CDKN2B-AS1: variants seen among roughly 807,000 people sequenced by gnomAD.
CDKN2B-AS1 encodes CDKN2B antisense RNA 1 (non-protein coding).
chr9:22,081,793 G>T (rs890652973), intron 4 of CDKN2B-AS1, among the ~76,000 whole-genome samples: 2 of 152,326 alleles, frequency 1.3e-5, no homozygotes, highest in African/African-American at 4.8e-5. Context: ...ATGAAAAATA[G>T]GGAAAATGTA....
At chr9:22,104,409 C>A (rs72652487) in intron 4 of CDKN2B-AS1, among the ~76,000 whole-genome samples, 1 of 152,148 alleles carries the variant, frequency 6.6e-6, no homozygotes, top group Non-Finnish European at 1.5e-5. Flanking sequence ...ATTTCACTTG[C>A]CCAAGTGAGG....
chr9:22,075,216 G>T (rs1452132328), intron 4 of CDKN2B-AS1, among the ~76,000 whole-genome samples: 2 of 152,190 alleles, frequency 1.3e-5, no homozygotes, highest in Non-Finnish European at 2.9e-5. Context: ...CTCTAGGCTA[G>T]CTCCCTGCCT....
At chr9:22,064,706 G>C (rs553220362) in intron 4 of CDKN2B-AS1, among the ~76,000 whole-genome samples, 3 of 152,110 alleles carry the variant, frequency 2.0e-5, no homozygotes, top group Non-Finnish European at 2.9e-5. Context: ...TTGAGGATCT[G>C]AACATGGGCT....
At chr9:22,062,998 T>TATAG (rs1346598780) in intron 4 of CDKN2B-AS1, among the ~76,000 whole-genome samples, 32 of 148,476 alleles carry the variant, frequency 2.2e-4, no homozygotes, top group East Asian at 8.0e-4. Flanking sequence ...TATATATATA[T>TATAG]AGAGAGAGAG....
intron 4 of CDKN2B-AS1, among the ~76,000 whole-genome samples, chr9:22,086,147 G>A (rs1824861971): frequency 6.6e-6 from 1 of 152,026 alleles, no homozygotes; most frequent in Non-Finnish European, 1.5e-5. Context: ...ATCTCAATGT[G>A]GTAGAGTTAT....
intron 4 of CDKN2B-AS1, chr9:22,118,510 G>C (rs1475467729): frequency 1.3e-5 from 2 of 152,146 alleles, no homozygotes; most frequent in African/African-American, 4.8e-5. Context: ...CCTTGGCTTT[G>C]GGAAGGGTAA....
At chr9:22,007,388 T>G (rs1821243820) in intron 1 of CDKN2B-AS1, among the ~76,000 whole-genome samples, 1 of 151,952 alleles carries the variant, frequency 6.6e-6, no homozygotes, top group African/African-American at 2.4e-5. Context: ...AATAAATAAA[T>G]AGAGCTTGGA....
intron 4 of CDKN2B-AS1, among the ~76,000 whole-genome samples, chr9:22,110,189 G>C (rs945641343): frequency 2.0e-5 from 3 of 152,090 alleles, no homozygotes; most frequent in African/African-American, 7.2e-5. Flanking sequence ...GTTACTAGTT[G>C]ATCATACTTT....
chr9:22,054,308 T>A lies in CDKN2B-AS1; in HGVS notation n.303-1944T>A, dbSNP rs191168255. ...CGCCAGAGTGCATGCTCTTAGTCACTACATTTGTCTACAAATCTAAAACAC... is the reference window on the plus strand; with the variant it reads ...CGCCAGAGTGCATGCTCTTAGTCACAACATTTGTCTACAAATCTAAAACAC... On this transcript the variant is annotated intron_variant and non_coding_transcript_variant, in intron 3 of 4. Transcript: ENST00000650946. Among the ~76,000 whole-genome samples the A allele has an allele frequency of 4.7e-4, 71 of 152,366 alleles. No homozygotes were observed. In the Middle Eastern group the frequency reaches 0.01, roughly 22 times the overall value.
intron 4 of CDKN2B-AS1, among the ~76,000 whole-genome samples, chr9:22,088,858 G>A (rs1824958628): frequency 6.6e-6 from 1 of 152,146 alleles, no homozygotes; most frequent in Non-Finnish European, 1.5e-5. Context: ...TCCCAGGCCT[G>A]GGTGGAGTTC....
chr9:22,083,563 C>G (rs1824771259), intron 4 of CDKN2B-AS1, among the ~76,000 whole-genome samples: 1 of 152,190 alleles, frequency 6.6e-6, no homozygotes. Flanking sequence ...TATTCTGAAT[C>G]AGAATCTCTG....
chr9:22,089,087 C>T (rs1179730409), intron 4 of CDKN2B-AS1, among the ~76,000 whole-genome samples: 2 of 152,140 alleles, frequency 1.3e-5, no homozygotes, highest in Non-Finnish European at 2.9e-5. Context: ...TTTAAAAACA[C>T]CCCCTGACAT....
chr9:22,065,377 G>A (rs1434691780), intron 4 of CDKN2B-AS1, among the ~76,000 whole-genome samples: 3 of 152,262 alleles, frequency 2.0e-5, no homozygotes, highest in South Asian at 2.1e-4. Flanking sequence ...CCCTTGACTC[G>A]ACAATAAAGT....
intron 4 of CDKN2B-AS1, among the ~76,000 whole-genome samples, chr9:22,095,197 C>T (rs72652443): frequency 6.9e-6 from 1 of 144,726 alleles, no homozygotes; most frequent in Non-Finnish European, 1.5e-5. Context: ...GGGTACCCAG[C>T]CGTGTGAGGT....
chr9:22,014,259 C>T (rs1320235452), intron 1 of CDKN2B-AS1, among the ~76,000 whole-genome samples: 3 of 152,048 alleles, frequency 2.0e-5, no homozygotes, highest in East Asian at 1.9e-4. Flanking sequence ...AACTCCCAGG[C>T]TCAAGTGATC....
intron 4 of CDKN2B-AS1, among the ~76,000 whole-genome samples, chr9:22,123,402 T>C (rs931025684): frequency 6.6e-6 from 1 of 152,214 alleles, no homozygotes; most frequent in Non-Finnish European, 1.5e-5. Context: ...ATAAGAATGT[T>C]AAGAGTGGGC....
At chr9:22,046,812 A>T (rs1823129188) in exon 2 of CDKN2B-AS1, 1 of 152,150 alleles carries the variant, frequency 6.6e-6, no homozygotes, top group African/African-American at 2.4e-5. Context: ...CAAAGAAAAG[A>T]CTTCTGTTTT....
chr9:22,122,203 T>G (rs900717575), intron 4 of CDKN2B-AS1, among the ~76,000 whole-genome samples: 1 of 152,112 alleles, frequency 6.6e-6, no homozygotes, highest in African/African-American at 2.4e-5. Context: ...TATGTGTTCT[T>G]TTGAGAAACG....
At chr9:22,081,240 T>C (rs1587505087) in intron 4 of CDKN2B-AS1, among the ~76,000 whole-genome samples, 1 of 151,990 alleles carries the variant, frequency 6.6e-6, no homozygotes, top group Non-Finnish European at 1.5e-5. Context: ...AAGTTACTTA[T>C]TCATTCCCAT....
Sources: allele counts gnomAD v4.1 joint callset (sites outside exome capture counted in the v4.1 genomes callset), GRCh38; gene constraint gnomAD v4.1.1; transcripts MANE v1.5; gene names NCBI Gene and HGNC (gene_info 2026-07-23, HGNC 2026-07-21).